Variants in DYNC2H1 observed in about 807,000 individuals in gnomAD.
DYNC2H1 encodes the protein dynein cytoplasmic 2 heavy chain 1.
In DYNC2H1, 410 loss-of-function variants were observed where a neutral mutation model predicts 570.0. The observed-to-expected ratio is 0.72, with a 90% confidence interval of 0.66 to 0.78. DYNC2H1 has a LOEUF of 0.78. Ranked by LOEUF, DYNC2H1 falls within the 30% of genes least tolerant of loss-of-function variation. The pLI is 0.00. For synonymous variants in DYNC2H1, 1,688 were observed against 1,677.6 expected, an observed-to-expected ratio of 1.01 and a Z score of -0.15; for missense variants, 4,865 against 5,046.4, an observed-to-expected ratio of 0.96 and a Z score of 1.09.
intron 78 of DYNC2H1, among the ~76,000 whole-genome samples, chr11:103,311,588 GA>G (rs78086161): frequency 7.5e-4 from 112 of 149,748 alleles, no homozygotes; most frequent in Admixed American, 2.4e-3. Context: ...GTGTCAGTGG[GA>G]AAAAAAAAAC....
chr11:103,183,943 G>A (rs1384693451), intron 40 of DYNC2H1, among the ~76,000 whole-genome samples: 1 of 151,956 alleles, frequency 6.6e-6, no homozygotes, highest in African/African-American at 2.4e-5. Context: ...TACCATGTCT[G>A]ATAAATTCTG....
chr11:103,311,382 G>A (rs150324033), intron 78 of DYNC2H1, among the ~76,000 whole-genome samples: 230 of 152,142 alleles, frequency 1.5e-3, no homozygotes, highest in Middle Eastern at 6.8e-3. Context: ...TTGTGTCTAT[G>A]AACCTAGCAA....
At chr11:103,171,230 C>T (rs1370237798) in intron 34 of DYNC2H1, among the ~76,000 whole-genome samples, 162 bp downstream of exon 34, 2 of 151,974 alleles carry the variant, frequency 1.3e-5, no homozygotes, top group Non-Finnish European at 2.9e-5. Context: ...TCTGAGGTTT[C>T]TTACCCTTTT....
At chr11:103,294,763 G>A (rs1866752523) in intron 75 of DYNC2H1, among the ~76,000 whole-genome samples, 2 of 151,870 alleles carry the variant, frequency 1.3e-5, no homozygotes, top group Admixed American at 1.3e-4. Flanking sequence ...TTAATTCAAG[G>A]CCTGAGGCTA....
chr11:103,312,087 A>C (rs1196919587), intron 79 of DYNC2H1, 54 bp downstream of exon 79: 4 of 1,554,260 alleles, frequency 2.6e-6, no homozygotes, highest in Admixed American at 4.0e-5. Context: ...TTGTATGTTA[A>C]AATATTTTTG....
intron 52 of DYNC2H1, among the ~76,000 whole-genome samples, chr11:103,208,647 A>T (rs1456995500): frequency 6.6e-6 from 1 of 152,162 alleles, no homozygotes; most frequent in Non-Finnish European, 1.5e-5. Context: ...TTATTTAATA[A>T]GCAACTAGAA....
At position 103,419,972 on chromosome 11, in the gene DYNC2H1, G is replaced by A. The variant is rs528265089; in HGVS notation, c.12367-15971G>A. On this transcript the variant is annotated intron_variant, in intron 84 of 88. Transcript: ENST00000375735. ...CTGATGAAGATGAAAAACACAACAC[G>A]AGAACTTCACAATGCAATCAGAAGT... is the stretch of plus-strand genomic sequence containing the variant. Among the ~76,000 whole-genome samples, 11 of 152,066 alleles carry A rather than the reference G, an allele frequency of 7.2e-5. No homozygotes were observed. The South Asian group carries it at 1.0e-3, about 14-fold the overall frequency.
intron 47 of DYNC2H1, among the ~76,000 whole-genome samples, chr11:103,197,194 G>A (rs1388329874): frequency 6.6e-6 from 1 of 151,962 alleles, no homozygotes; most frequent in East Asian, 1.9e-4. Flanking sequence ...TTCTCAAGGA[G>A]AGTTTTGAGA....
At chr11:103,297,243 C>T (rs768251100) in intron 75 of DYNC2H1, among the ~76,000 whole-genome samples, 20 of 152,004 alleles carry the variant, frequency 1.3e-4, no homozygotes, top group Admixed American at 9.8e-4. Flanking sequence ...TTTTTTTATA[C>T]TAGCATCTAC....
rs1387890666 is a variant in DYNC2H1, at chr11:103,249,353, T to A, written c.10043-3932T>A. ...ACTCACCAAAGAAAAACTTTTTTTA[T>A]TTTAACTTTTTATTTAAAAATAAAT... On this transcript the variant is annotated intron_variant, in intron 65 of 88. Coordinates refer to ENST00000375735, the MANE Select transcript of DYNC2H1 (RefSeq NM_001377.3). This position sits in a 1 kb window ranked among gnomAD's most constrained non-coding sequence, Gnocchi z 4.6. Among the ~76,000 whole-genome samples, 1 of 152,056 alleles carries A rather than the reference T, an allele frequency of 6.6e-6. No individual in the cohort carries two copies. The highest frequency in any genetic ancestry group is 1.5e-5 in the Non-Finnish European group (1 of 67,958).
intron 17 of DYNC2H1, among the ~76,000 whole-genome samples, chr11:103,136,534 G>C (rs942859844): frequency 1.2e-4 from 18 of 152,066 alleles, no homozygotes; most frequent in African/African-American, 4.1e-4. Context: ...TTTCATCCAT[G>C]TCCCTACAAA....
chr11:103,278,058 T>G (rs1437547576), intron 70 of DYNC2H1, among the ~76,000 whole-genome samples: 3 of 152,182 alleles, frequency 2.0e-5, no homozygotes, highest in Admixed American at 2.0e-4. Flanking sequence ...CTGGTTTTAA[T>G]GCCACTCTGG....
At position 103,326,414 on chromosome 11, in the gene DYNC2H1, G is replaced by A. The variant is rs747475490; in HGVS notation, c.12039+2424G>A. ...GCCATACGCTTTCTGGGCCAGCCCT[G>A]TGGAGGGACGTACGAACCGCCTCTG... On this transcript the variant is annotated intron_variant, in intron 82 of 88. Transcript: ENST00000375735. This position sits in a 1 kb window ranked among gnomAD's most constrained non-coding sequence, Gnocchi z 6.1. Among the ~76,000 whole-genome samples the A allele has an allele frequency of 2.3e-4, 35 of 152,162 alleles. No individual in the cohort carries two copies. Among genetic ancestry groups the A allele is most frequent in the Non-Finnish European group, 3.7e-4 (25 of 68,038 alleles).
chr11:103,266,384 G>T (rs913345410), intron 70 of DYNC2H1, among the ~76,000 whole-genome samples: 3 of 152,128 alleles, frequency 2.0e-5, no homozygotes, highest in Non-Finnish European at 1.5e-5. Context: ...GTGGGTGCAG[G>T]TGGGTGCCTT....
Position 103,257,627 on chromosome 11 carries a change from C to T in DYNC2H1, c.10481C>T (p.Pro3494Leu). 1 of 1,612,060 alleles carries T rather than the reference C, an allele frequency of 6.2e-7. No homozygotes were observed. Among genetic ancestry groups the T allele is most frequent in the Non-Finnish European group, 8.5e-7 (1 of 1,178,746 alleles). Residue 3494 changes from proline to leucine, a missense_variant, in exon 69 of 89, where the codon CCC becomes CTC. Pro to Leu is a moderately conservative substitution (Grantham distance 98). Transcript: ENST00000375735. ...CCATAGGAACGGGATGCCTATCTCC[C>T]CCTGGCTGAGAGTGCCAGCAAGATG... is the stretch of plus-strand genomic sequence containing the variant. ...SLDQERDAYL[P>L]LAESASKMYF...
At chr11:103,169,468 T>A (rs566804169) in intron 32 of DYNC2H1, among the ~76,000 whole-genome samples, 2 of 152,274 alleles carry the variant, frequency 1.3e-5, no homozygotes, top group East Asian at 3.9e-4. Flanking sequence ...GAATGAATCA[T>A]CAAAATATAT....
At chr11:103,389,201 A>C (rs1197557456) in intron 83 of DYNC2H1, among the ~76,000 whole-genome samples, 3 of 152,136 alleles carry the variant, frequency 2.0e-5, no homozygotes, top group Non-Finnish European at 4.4e-5. Context: ...ATCTATTCAG[A>C]GATTCAACTT....
intron 70 of DYNC2H1, among the ~76,000 whole-genome samples, chr11:103,272,232 AC>A (rs1209840144): frequency 6.6e-6 from 1 of 152,236 alleles, no homozygotes; most frequent in Non-Finnish European, 1.5e-5. Flanking sequence ...ACCATGGAAT[AC>A]TATGCAGCCA....
chr11:103,233,463 A>G (rs577883274), intron 60 of DYNC2H1, among the ~76,000 whole-genome samples: 9 of 152,086 alleles, frequency 5.9e-5, no homozygotes, highest in Non-Finnish European at 1.0e-4. Flanking sequence ...ATCAATGAAT[A>G]TAGGGAGAGA....
Sources: allele counts gnomAD v4.1 joint callset (sites outside exome capture counted in the v4.1 genomes callset), GRCh38; gene constraint gnomAD v4.1.1; non-coding constraint Gnocchi (gnomAD v3.1); transcripts MANE v1.5; gene names NCBI Gene and HGNC (gene_info 2026-07-23, HGNC 2026-07-21).